The following NRM variants were observed in gnomAD, a reference collection of about 807,000 sequenced individuals.
The protein encoded by NRM is nuclear rim protein.
A neutral mutation model predicts 23.4 loss-of-function variants in NRM; 19 were observed. The ratio of observed to expected loss-of-function variants is 0.81; its 90% CI spans 0.57 to 1.19. The LOEUF (loss-of-function observed/expected upper bound fraction) is 1.19, where lower values mean the gene tolerates loss of function less well. Among genes scored for constraint, NRM ranks in the 50% most tolerant of loss-of-function variants. The pLI is 0.00. For synonymous variants in NRM, 140 were observed against 143.5 expected (o/e 0.98, Z 0.17); for missense variants, 232 against 329.7 (o/e 0.70, Z 2.30).
rs550769642 is a variant in NRM, at chr6:30,689,622, C to A, written c.331-170G>T. On this transcript the variant is annotated intron_variant, in intron 2 of 3. Coordinates refer to ENST00000376421, the MANE Select transcript of NRM (RefSeq NM_001384369.1). The surrounding 1 kb of genome is among the most constrained non-coding windows in gnomAD (Gnocchi z 4.7). ...GTGGAGGGTGCGTGCTGGGTGAGGT[C>A]CCAAAGATGTAAGGATGGCCTGTCT... 6.6e-6 allele frequency among the ~76,000 whole-genome samples: 1 copy of A among 152,238 alleles called. No individual in the cohort carries two copies. The highest frequency in any genetic ancestry group is 1.9e-4 in the East Asian group (1 of 5,166).
chr6:30,689,389 G>T lies in NRM; in HGVS notation c.394C>A (p.Pro132Thr), dbSNP rs1384907165. 1 of 1,566,658 alleles carries T rather than the reference G, an allele frequency of 6.4e-7. No homozygotes were observed. ...AGGAGCGGCACCCAGGTGGCCCATG[G>T]CTCAGCCCGAGCCTCCCACAACACA... ...GPVLWEARAE[P>T]WATWVPLLCF... The change falls in exon 3 of 4, where the codon CCA becomes ACA. Residue 132 changes from proline to threonine, a missense_variant. Physicochemically the swap from Pro to Thr is conservative, Grantham distance 38. Coordinates refer to ENST00000376421, the MANE Select transcript of NRM (RefSeq NM_001384369.1). The surrounding 1 kb of genome is among the most constrained non-coding windows in gnomAD (Gnocchi z 4.7).
chr6:30,689,413 C>T lies in NRM; in HGVS notation c.370G>A (p.Val124Met), dbSNP rs1380175068. The change falls in exon 3 of 4, where the codon GTG becomes ATG. Residue 124 changes from valine to methionine, a missense_variant. Physicochemically the swap from Val to Met is conservative, Grantham distance 21. Coordinates refer to ENST00000376421, the MANE Select transcript of NRM (RefSeq NM_001384369.1). The surrounding 1 kb of genome is among the most constrained non-coding windows in gnomAD (Gnocchi z 4.7). Reference protein sequence around the residue: ...RYWEPIPKGPVLWEARAEPWA... With the variant: ...RYWEPIPKGPMLWEARAEPWA... ...GGCTCAGCCCGAGCCTCCCACAACA[C>T]AGGGCCTTTGGGTATGGGCTCCCAG... 1.3e-6 allele frequency: 2 copies of T among 1,574,718 alleles called. No individual in the cohort carries two copies. Among genetic ancestry groups the T allele is most frequent in the African/African-American group, 1.4e-5 (1 of 73,848 alleles).
In NRM at chr6:30,688,612, A is replaced by G; in HGVS notation, c.*49T>C. ...GCCAGGGCCTGGATGTTAAGGATTT[A>G]GAATTCAGTGGGAGAGGAAGAACAG... On this transcript the variant is annotated 3_prime_UTR_variant, in exon 4 of 4. Transcript: ENST00000376421. This position sits in a 1 kb window ranked among gnomAD's most constrained non-coding sequence, Gnocchi z 5.9. 1 of 1,582,368 alleles carries G rather than the reference A, an allele frequency of 6.3e-7. No individual in the cohort carries two copies. The highest frequency in any genetic ancestry group is 8.6e-7 in the Non-Finnish European group (1 of 1,162,150).
chr6:30,689,002 C>T lies in NRM; in HGVS notation c.508-60G>A. The T allele has an allele frequency of 6.6e-7, 1 of 1,518,054 alleles. No homozygotes were observed. The highest frequency in any genetic ancestry group is 1.3e-5 in the South Asian group (1 of 79,266). The allele number at this position is 1,518,054 out of a possible 1,614,324, so 94.0% of individuals were successfully genotyped here. A position where few individuals can be genotyped will look rare whatever the true frequency, so the allele number is the denominator to read the frequency against. ...AGCCCTTTTCTCATCTTGGGCACTTCTTTCCTCCTCTTCCAGGCACCACCC... is the reference window on the plus strand; with the variant it reads ...AGCCCTTTTCTCATCTTGGGCACTTTTTTCCTCCTCTTCCAGGCACCACCC... On this transcript the variant is annotated intron_variant, in intron 3 of 3. Coordinates refer to ENST00000376421, the MANE Select transcript of NRM (RefSeq NM_001384369.1). The surrounding 1 kb of genome is among the most constrained non-coding windows in gnomAD (Gnocchi z 4.7).
chr6:30,688,883 G>A lies in NRM; in HGVS notation c.567C>T (p.Leu189=). 1 of 1,613,868 alleles carries A rather than the reference G, an allele frequency of 6.2e-7. No individual in the cohort carries two copies. The highest frequency in any genetic ancestry group is 8.5e-7 in the Non-Finnish European group (1 of 1,179,988). Residue 189 remains leucine, a synonymous_variant, in exon 4 of 4, where the codon CTC becomes CTT. Coordinates refer to ENST00000376421, the MANE Select transcript of NRM (RefSeq NM_001384369.1). This position sits in a 1 kb window ranked among gnomAD's most constrained non-coding sequence, Gnocchi z 5.9. Reference sequence around the variant, plus strand: ...GGTGGCGCAGGTGGGAGAAGAGTCTGAGAGCCCGGGGAGACTTCAGGGCCA... The same window carrying A: ...GGTGGCGCAGGTGGGAGAAGAGTCTAAGAGCCCGGGGAGACTTCAGGGCCA... ...EPLALKSPRA[L]RLFSHLRHPV... is the part of the protein sequence containing the mutation.
Position 30,688,699 on chromosome 6 carries a change from G to A in NRM, c.751C>T (p.His251Tyr), listed in dbSNP as rs1771214770. The A allele has an allele frequency of 6.2e-7, 1 of 1,613,880 alleles. No individual in the cohort carries two copies. Among genetic ancestry groups the A allele is most frequent in the Non-Finnish European group, 8.5e-7 (1 of 1,180,000 alleles). ...CCATCCTGGGGCCGAGAGAGCAGGT[G>A]GAGTTTTCTTTGTAGCTGGGCCCGG... The part of the protein sequence containing the change: ...YLRAQLQRKL[H>Y]LLSRPQDGEA... Residue 251 changes from histidine to tyrosine, a missense_variant, in exon 4 of 4, where the codon CAC (histidine) becomes TAC (tyrosine). His to Tyr is a moderately conservative substitution (Grantham distance 83). Transcript: ENST00000376421. This position sits in a 1 kb window ranked among gnomAD's most constrained non-coding sequence, Gnocchi z 5.9.
upstream of NRM, chr6:30,691,225 G>A (rs1157264495): frequency 2.1e-5 from 10 of 472,438 alleles, no homozygotes; most frequent in South Asian, 1.2e-4. Flanking sequence ...GCTGTTAAGG[G>A]TAGCGGCTCT....
Position 30,688,388 on chromosome 6 carries a change from GGA to G in NRM, c.*271_*272del. The G allele has an allele frequency of 3.7e-6, 2 of 546,090 alleles. No homozygotes were observed. The highest frequency in any genetic ancestry group is 4.7e-5 in the South Asian group (2 of 42,266). 33.8% of individuals were successfully genotyped at this position (546,090 alleles called of 1,614,324 possible). A position where few individuals can be genotyped will look rare whatever the true frequency, so the allele number is the denominator to read the frequency against. ...TTCCTTCTCAGGAGGCTGTTGAGGG[GGA>G]GAGTGTCATGCTCTAAACAGTGAAG... is the stretch of plus-strand genomic sequence containing the variant. On this transcript the variant is annotated 3_prime_UTR_variant, in exon 4 of 4. Coordinates refer to ENST00000376421, the MANE Select transcript of NRM (RefSeq NM_001384369.1). This position sits in a 1 kb window ranked among gnomAD's most constrained non-coding sequence, Gnocchi z 5.9.
In NRM at chr6:30,688,521, T is replaced by C. The variant is rs1771186356; in HGVS notation, c.*140A>G. 4.2e-6 allele frequency: 4 copies of C among 962,962 alleles called. No homozygotes were observed. In the African/African-American group the frequency reaches 6.6e-5, roughly 16 times the overall value. The allele number at this position is 962,962 out of a possible 1,614,324, so 59.7% of individuals were successfully genotyped here. A position where few individuals can be genotyped will look rare whatever the true frequency, so the allele number is the denominator to read the frequency against. ...AGGGTATGGAGCTGGACCCAGAGAA[T>C]AAAGTCTCAAGTAGTAGAAGGGGCA... On this transcript the variant is annotated 3_prime_UTR_variant, in exon 4 of 4. Transcript: ENST00000376421. This position sits in a 1 kb window ranked among gnomAD's most constrained non-coding sequence, Gnocchi z 5.9.
rs778744718 is a variant in NRM, at chr6:30,690,958, A to C, written c.17T>G (p.Leu6Arg). 19 of 1,571,556 alleles carry C rather than the reference A, an allele frequency of 1.2e-5. No individual in the cohort carries two copies. The Admixed American group carries it at 2.9e-4, about 24-fold the overall frequency. Residue 6 changes from leucine (L) to arginine (R), a missense_variant, in exon 1 of 4, where the codon CTC becomes CGC. Physicochemically the swap from Leu to Arg is moderately radical, Grantham distance 102. Transcript: ENST00000376421. This position sits in a 1 kb window ranked among gnomAD's most constrained non-coding sequence, Gnocchi z 5.5. MAPALLLIPAALASFI... is the reference protein window; with the variant it reads MAPALRLIPAALASFI... ...AGAGGCGAGGGCAGCAGGGATCAGG[A>C]GCAGTGCAGGGGCCATGGCGAGAAA...
At position 30,689,287 on chromosome 6, in the gene NRM, C is replaced by G. The variant is rs1246538342; in HGVS notation, c.496G>C (p.Gly166Arg). Residue 166 changes from glycine (G) to arginine (R), a missense_variant, in exon 3 of 4, where the codon GGC becomes CGC. Transcript: ENST00000376421. The surrounding 1 kb of genome is among the most constrained non-coding windows in gnomAD (Gnocchi z 4.7). Reference protein sequence around the residue: ...LLVFDYAELMGLKQVYYHVLG... With the variant: ...LLVFDYAELMRLKQVYYHVLG... ...TCTCGGAGCCTCACCTGTTTGAGGC[C>G]CATGAGCTCAGCATAGTCAAAGACG... 17 of 1,553,590 alleles carry G rather than the reference C, an allele frequency of 1.1e-5. No individual in the cohort carries two copies. Among genetic ancestry groups the G allele is most frequent in the Non-Finnish European group, 1.5e-5 (17 of 1,148,002 alleles).
In NRM at chr6:30,688,557, T is replaced by C; in HGVS notation, c.*104A>G. ...GTAGTAGAAGGGGCATCTCCTTCAG[T>C]CCATGGATTTGGGCCTCTGGCATGA... On this transcript the variant is annotated 3_prime_UTR_variant, in exon 4 of 4. Coordinates refer to ENST00000376421, the MANE Select transcript of NRM (RefSeq NM_001384369.1). The surrounding 1 kb of genome is among the most constrained non-coding windows in gnomAD (Gnocchi z 5.9). 7.8e-7 allele frequency: 1 copy of C among 1,287,022 alleles called. No individual in the cohort carries two copies. The highest frequency in any genetic ancestry group is 1.1e-6 in the Non-Finnish European group (1 of 917,972). 79.7% of individuals were successfully genotyped at this position (1,287,022 alleles called of 1,614,324 possible). A position where few individuals can be genotyped will look rare whatever the true frequency, so the allele number is the denominator to read the frequency against.
In NRM at chr6:30,689,049, A is replaced by AC. The variant is rs920998913; in HGVS notation, c.508-108dup. 3.9e-5 allele frequency: 50 copies of AC among 1,294,344 alleles called. No individual in the cohort carries two copies. The highest frequency in any genetic ancestry group is 4.9e-5 in the Non-Finnish European group (47 of 960,610). The allele number at this position is 1,294,344 out of a possible 1,614,324, so 80.2% of individuals were successfully genotyped here. ...ACCCTTCTAGAACTCAGGCCCAGGA[A>AC]CCCCCCTTCTGAGACTTGGATCCCT... On this transcript the variant is annotated intron_variant, in intron 3 of 3. Transcript: ENST00000376421. The surrounding 1 kb of genome is among the most constrained non-coding windows in gnomAD (Gnocchi z 4.7).
Position 30,689,933 on chromosome 6 carries a change from TCTC to T in NRM, c.330+111_330+113del. The T allele has an allele frequency of 1.0e-6, 1 of 994,618 alleles. No individual in the cohort carries two copies. Among genetic ancestry groups the T allele is most frequent in the Non-Finnish European group, 1.5e-6 (1 of 672,226 alleles). The allele number at this position is 994,618 out of a possible 1,614,324, so 61.6% of individuals were successfully genotyped here. On this transcript the variant is annotated intron_variant, in intron 2 of 3. Transcript: ENST00000376421. The surrounding 1 kb of genome is among the most constrained non-coding windows in gnomAD (Gnocchi z 4.7). ...TGGAAGCTGAGATTAGTTCCTCAATTCTCCTCCTGAACCCATATTTTGCCCCTC... is the reference window on the plus strand; with the variant it reads ...TGGAAGCTGAGATTAGTTCCTCAATTCTCCTGAACCCATATTTTGCCCCTC...
chr6:30,690,118 C>T lies in NRM; in HGVS notation c.259G>A (p.Ala87Thr). The stretch of plus-strand genomic sequence containing the variant: ...ACCCCAAAGTACCGGGATGTCCATG[C>T]CTTCACTCTTTCAGCTGCCATGAGG... ...HSLMAAERVK[A>T]WTSRYFGVLQ... The change falls in exon 2 of 4, where the codon GCA becomes ACA. Residue 87 changes from alanine to threonine, a missense_variant. By Grantham distance (58) the Ala-to-Thr change is moderately conservative. Coordinates refer to ENST00000376421, the MANE Select transcript of NRM (RefSeq NM_001384369.1). The surrounding 1 kb of genome is among the most constrained non-coding windows in gnomAD (Gnocchi z 5.5). The T allele has an allele frequency of 1.9e-6, 3 of 1,612,932 alleles. No homozygotes were observed. Among genetic ancestry groups the T allele is most frequent in the Non-Finnish European group, 2.5e-6 (3 of 1,179,958 alleles).
Position 30,690,939 on chromosome 6 carries a change from G to C in NRM, c.36C>G (p.Leu12=). The change falls in exon 1 of 4, where the codon CTC becomes CTG. Residue 12 remains leucine, a synonymous_variant. Transcript: ENST00000376421. The surrounding 1 kb of genome is among the most constrained non-coding windows in gnomAD (Gnocchi z 5.5). The stretch of plus-strand genomic sequence containing the variant: ...TGCCAAAGGCCAGGATGAAAGAGGC[G>C]AGGGCAGCAGGGATCAGGAGCAGTG... ...APALLLIPAA[L]ASFILAFGTG... is the part of the protein sequence containing the mutation. The C allele has an allele frequency of 6.2e-7, 1 of 1,612,718 alleles. No homozygotes were observed. Among genetic ancestry groups the C allele is most frequent in the Non-Finnish European group, 8.5e-7 (1 of 1,179,824 alleles).
Position 30,689,153 on chromosome 6 carries a change from G to A in NRM, c.507+123C>T, listed in dbSNP as rs1771297184. 8.6e-7 allele frequency: 1 copy of A among 1,163,782 alleles called. No individual in the cohort carries two copies. Among genetic ancestry groups the A allele is most frequent in the Non-Finnish European group, 1.2e-6 (1 of 840,602 alleles). The allele number at this position is 1,163,782 out of a possible 1,614,324, so 72.1% of individuals were successfully genotyped here. A position where few individuals can be genotyped will look rare whatever the true frequency, so the allele number is the denominator to read the frequency against. ...CTGCCCTTACGAGGGAAAGTCAAAG[G>A]GAAGGGCCACGAGGGAGAAGCAGGG... On this transcript the variant is annotated intron_variant, in intron 3 of 3. Transcript: ENST00000376421. The surrounding 1 kb of genome is among the most constrained non-coding windows in gnomAD (Gnocchi z 4.7).
upstream of NRM, chr6:30,691,266 C>T (rs376003326): frequency 2.1e-4 from 77 of 368,576 alleles, 4 homozygotes; most frequent in East Asian, 6.5e-4. Flanking sequence ...AATCTCAGCT[C>T]GTCTAGTTTT....
rs1771477244 is a variant in NRM at position 30,690,306 on chromosome 6, C to G, written c.134-63G>C. ...AACAGTGGCAGAATGTTTCCCCCAC[C>G]CTCATCTCCTCTTGGATCCCCAGGC... On this transcript the variant is annotated intron_variant, in intron 1 of 3. Transcript: ENST00000376421. This position sits in a 1 kb window ranked among gnomAD's most constrained non-coding sequence, Gnocchi z 5.5. 1.4e-6 allele frequency: 2 copies of G among 1,395,590 alleles called. No homozygotes were observed. Among genetic ancestry groups the G allele is most frequent in the Admixed American group, 5.0e-5 (2 of 39,736 alleles). 86.5% of individuals were successfully genotyped at this position (1,395,590 alleles called of 1,614,324 possible). A position where few individuals can be genotyped will look rare whatever the true frequency, so the allele number is the denominator to read the frequency against.
Sources: gnomAD v4.1 joint callset for allele counts (sites outside exome capture counted in the v4.1 genomes callset) on GRCh38, gnomAD v4.1.1 for gene constraint, Gnocchi (gnomAD v3.1) non-coding constraint, MANE v1.5 for transcripts, NCBI Gene and HGNC (gene_info 2026-07-23, HGNC 2026-07-21) for gene names.